ZNF737: variants seen among roughly 807,000 people sequenced by gnomAD.
ZNF737 encodes zinc finger protein 102 (Y3).
A neutral mutation model predicts 11.7 loss-of-function variants in ZNF737; 13 were observed. That is an observed-to-expected ratio of 1.11 (90% CI 0.73 to 1.77). ZNF737 has a LOEUF of 1.77. Among genes scored for constraint, ZNF737 ranks in the 40% most tolerant of loss-of-function variants. ZNF737 has a pLI of 0.00. For missense variants in ZNF737, 636 were observed against 638.0 expected (o/e 1.00, Z 0.03); for synonymous variants, 217 against 216.2 (o/e 1.00, Z -0.03).
downstream of ZNF737, among the ~76,000 whole-genome samples, chr19:20,531,168 G>T (rs1450575901): frequency 6.9e-6 from 1 of 145,606 alleles, no homozygotes; most frequent in Non-Finnish European, 1.5e-5. Flanking sequence ...AGTGAGCCGA[G>T]ATGGCAGCAG....
At chr19:20,554,726 A>G (rs1968820034) in intron 1 of ZNF737, among the ~76,000 whole-genome samples, 2 of 152,198 alleles carry the variant, frequency 1.3e-5, no homozygotes, top group Admixed American at 6.6e-5. Flanking sequence ...CAAAATACAG[A>G]TAACTCCTGT....
intron 2 of ZNF737, among the ~76,000 whole-genome samples, chr19:20,553,012 CGA>C (rs1568432516): frequency 4.0e-4 from 54 of 135,122 alleles, no homozygotes; most frequent in Admixed American, 1.2e-3. Flanking sequence ...ACTCTGTCCC[CGA>C]AAAAAAAAAA....
Position 20,543,696 on chromosome 19 carries a change from T to C in ZNF737, c.*896A>G, listed in dbSNP as rs1339397692. ...ACCATATAAAGGCTTTGTCACATTTTATATATTTCTAGGGTTTCACACTAG... is the reference window on the plus strand; with the variant it reads ...ACCATATAAAGGCTTTGTCACATTTCATATATTTCTAGGGTTTCACACTAG... On this transcript the variant is annotated 3_prime_UTR_variant, in exon 4 of 4. Coordinates refer to ENST00000427401, the MANE Select transcript of ZNF737 (RefSeq NM_001159293.2). The C allele has an allele frequency of 6.1e-6, 6 of 985,466 alleles. No homozygotes were observed. The highest frequency in any genetic ancestry group is 7.2e-6 in the Non-Finnish European group (6 of 829,914). The allele number at this position is 985,466 out of a possible 1,614,324, so 61.0% of individuals were successfully genotyped here. A position where few individuals can be genotyped will look rare whatever the true frequency, so the allele number is the denominator to read the frequency against.
intron 2 of ZNF737, among the ~76,000 whole-genome samples, chr19:20,553,025 A>AAC (rs1568432544): frequency 1.3e-3 from 130 of 100,816 alleles, no homozygotes; most frequent in African/African-American, 6.3e-3. Context: ...AAAAAAAAAA[A>AAC]AAAAAAAAGA....
intron 1 of ZNF737, among the ~76,000 whole-genome samples, chr19:20,558,146 T>C (rs8108413): frequency 0.76 from 115,519 of 151,500 alleles, 44,130 homozygotes; most frequent in East Asian, 0.82. Context: ...TAGCTGGGCA[T>C]GGTGGCTGGC....
rs1555758133 is a variant in ZNF737 at position 20,550,707 on chromosome 19, AAGACCAGATCAAAG to A, written c.226+1754_226+1767del. ...GATTTTGAGACCAGCCTGGGTCTCA[AAGACCAGATCAAAG>A]ATGTAGCAAGATGCCATTTCCAAAA... On this transcript the variant is annotated intron_variant, in intron 3 of 3. Transcript: ENST00000427401. Among the ~76,000 whole-genome samples the A allele has an allele frequency of 3.3e-4, 51 of 152,348 alleles. No homozygotes were observed. In the South Asian group the frequency reaches 0.01, roughly 30 times the overall value.
In ZNF737 at chr19:20,543,260, T is replaced by C. The variant is rs754578280; in HGVS notation, c.*1332A>G. The C allele has an allele frequency of 1.0e-6, 1 of 985,284 alleles. No homozygotes were observed. Among genetic ancestry groups the C allele is most frequent in the Non-Finnish European group, 1.2e-6 (1 of 829,908 alleles). The allele number at this position is 985,284 out of a possible 1,614,324, so 61.0% of individuals were successfully genotyped here. A position where few individuals can be genotyped will look rare whatever the true frequency, so the allele number is the denominator to read the frequency against. On this transcript the variant is annotated 3_prime_UTR_variant, in exon 4 of 4. Transcript: ENST00000427401. ...TTGTAGGACTCATCTCCAATATAAA[T>C]TCCCTGATGTTGAACAAACTTGAGC...
chr19:20,531,859 G>A (rs562965210), downstream of ZNF737, among the ~76,000 whole-genome samples: 5 of 150,268 alleles, frequency 3.3e-5, 1 homozygote, highest in East Asian at 1.0e-3. Flanking sequence ...CTCACATAGA[G>A]AATTCTATAA....
chr19:20,563,989 C>A (rs1448037308), intron 1 of ZNF737: 3 of 151,902 alleles, frequency 2.0e-5, no homozygotes, highest in African/African-American at 7.3e-5. Flanking sequence ...CATGTTGAAA[C>A]CCCCTCTCTA....
In ZNF737 at chr19:20,541,130, A is replaced by G. The variant is rs147325024; in HGVS notation, c.*3462T>C. On this transcript the variant is annotated 3_prime_UTR_variant, in exon 4 of 4. Coordinates refer to ENST00000427401, the MANE Select transcript of ZNF737 (RefSeq NM_001159293.2). Reference sequence around the variant, plus strand: ...AGAACATTTTATATTAATAAATTCAATACAAAGCAGAAAGTATAGATTTGC... The same window carrying G: ...AGAACATTTTATATTAATAAATTCAGTACAAAGCAGAAAGTATAGATTTGC... The G allele has an allele frequency of 1.4e-3, 1,414 of 983,044 alleles. 16 individuals carry two copies. The African/African-American group carries it at 0.023, about 16-fold the overall frequency. The allele number at this position is 983,044 out of a possible 1,614,324, so 60.9% of individuals were successfully genotyped here. A position where few individuals can be genotyped will look rare whatever the true frequency, so the allele number is the denominator to read the frequency against.
downstream of ZNF737, among the ~76,000 whole-genome samples, chr19:20,534,075 T>A (rs1967893945): frequency 6.7e-6 from 1 of 150,122 alleles, no homozygotes; most frequent in Non-Finnish European, 1.5e-5. Context: ...TCTCCTGGGA[T>A]GTGCTAATGG....
At chr19:20,536,055 A>G, downstream of ZNF737, 1 of 983,018 alleles carries the variant, frequency 1.0e-6, no homozygotes, top group African/African-American at 1.7e-5. Context: ...TTTACCTTTT[A>G]TCCGCTTCAC....
chr19:20,530,294 A>C, the ZNF737 span, among the ~76,000 whole-genome samples: 3 of 110,850 alleles, frequency 2.7e-5, no homozygotes, highest in Non-Finnish European at 3.7e-5. Flanking sequence ...CGGATGGGGC[A>C]GCTGGCCGGG....
downstream of ZNF737, among the ~76,000 whole-genome samples, chr19:20,531,248 C>CGGGAGAG (rs537727097): frequency 0.56 from 42,824 of 76,208 alleles, 11,860 homozygotes; most frequent in African/African-American, 0.76. Context: ...AGAGGGGAGA[C>CGGGAGAG]GGGAGAGGGG....
chr19:20,536,166 C>T (rs1310922945), downstream of ZNF737: 2 of 872,110 alleles, frequency 2.3e-6, no homozygotes, highest in African/African-American at 1.8e-5. Context: ...AAAAAATTAG[C>T]ATATGCATCA....
At chr19:20,548,762 T>A (rs1968549164) in intron 3 of ZNF737, among the ~76,000 whole-genome samples, 1 of 146,980 alleles carries the variant, frequency 6.8e-6, no homozygotes, top group Admixed American at 6.9e-5. Flanking sequence ...TTATTTTTTA[T>A]AGAGAGGTGT....
Position 20,545,813 on chromosome 19 carries a change from A to G in ZNF737, c.390T>C (p.Tyr130=). The G allele has an allele frequency of 1.9e-6, 3 of 1,613,490 alleles. No individual in the cohort carries two copies. The highest frequency in any genetic ancestry group is 2.5e-6 in the Non-Finnish European group (3 of 1,179,798). ...VDECKVHKRG[Y]NGLNQYLTTT... is the part of the protein sequence containing the mutation. ...TTGTCAAATATTGGTTAAGTCCATT[A>G]TAACCTCTTTTGTGCACCTTACACT... Residue 130 remains tyrosine, a synonymous_variant, in exon 4 of 4, where the codon TAT becomes TAC. Coordinates refer to ENST00000427401, the MANE Select transcript of ZNF737 (RefSeq NM_001159293.2).
In ZNF737 at chr19:20,545,709, A is replaced by G. The variant is rs781990852; in HGVS notation, c.494T>C (p.Ile165Thr). The change falls in exon 4 of 4, where the codon ATA becomes ACA. Residue 165 changes from isoleucine to threonine, a missense_variant. Physicochemically the swap from Ile to Thr is moderately conservative, Grantham distance 89. Transcript: ENST00000427401. ...GAAAGGTTTTTTTCCAGTATGTCTT[A>G]TCTTATGTCTGTTTGAATTTGAAAA... ...HKFSNSNRHK[I>T]RHTGKKPFKC... The G allele has an allele frequency of 1.2e-6, 2 of 1,612,320 alleles. No homozygotes were observed. Among genetic ancestry groups the G allele is most frequent in the South Asian group, 1.1e-5 (1 of 90,858 alleles).
intron 1 of ZNF737, among the ~76,000 whole-genome samples, chr19:20,555,065 G>A (rs112134779): frequency 0.12 from 18,122 of 152,034 alleles, 1,202 homozygotes; most frequent in Middle Eastern, 0.17. Flanking sequence ...GTTCCACCAC[G>A]TTGGCCAGGC....
Sources: gnomAD v4.1 joint callset for allele counts (sites outside exome capture counted in the v4.1 genomes callset) on GRCh38, gnomAD v4.1.1 for gene constraint, MANE v1.5 for transcripts, NCBI Gene and HGNC (gene_info 2026-07-23, HGNC 2026-07-21) for gene names.